The following GRIN3A variants were observed in gnomAD, a reference collection of about 807,000 sequenced individuals.
The protein encoded by GRIN3A is glutamate ionotropic receptor NMDA type subunit 3A.
A neutral mutation model predicts 92.4 loss-of-function variants in GRIN3A; 47 were observed. The observed-to-expected ratio is 0.51, with a 90% CI of 0.40 to 0.65. The LOEUF is 0.65. GRIN3A is among the 30% of genes least tolerant of loss of function. The pLI is 0.00. For missense variants in GRIN3A, 1,324 were observed against 1,393.1 expected (o/e 0.95, Z 0.79); for synonymous variants, 527 against 540.6 (o/e 0.97, Z 0.35).
chr9:101,617,206 A>C (rs28470384), intron 5 of GRIN3A, among the ~76,000 whole-genome samples: 29 of 33,010 alleles, frequency 8.8e-4, no homozygotes, highest in African/African-American at 4.1e-3. Context: ...GACTCCGTCT[A>C]AAAAAAAAAA....
In GRIN3A at chr9:101,670,108, C is replaced by A. The variant is rs754226372; in HGVS notation, c.2304G>T (p.Met768Ile). 6.2e-7 allele frequency: 1 copy of A among 1,613,694 alleles called. No homozygotes were observed. The highest frequency in any genetic ancestry group is 8.5e-7 in the Non-Finnish European group (1 of 1,179,858). Residue 768 changes from methionine to isoleucine, a missense_variant, in exon 3 of 9, where the codon ATG (methionine) becomes ATT (isoleucine). Met to Ile is a conservative substitution (Grantham distance 10). Transcript: ENST00000361820. ...GCTCTTCATAGATCTTCTCACCTAC[C>A]ATGACAGCAGCCAAGTTTGCCGTGT... ...STYTANLAAV[M>I]VGEKIYEELS...
chr9:101,643,287 G>A lies in GRIN3A; in HGVS notation c.2353-14886C>T, dbSNP rs537655977. ...AAGAAGATATACAAATAGCCACAAA[G>A]TATATGAAGAAGTGCTCAAGATCAC... On this transcript the variant is annotated intron_variant, in intron 3 of 8. Transcript: ENST00000361820. 6.6e-5 allele frequency among the ~76,000 whole-genome samples: 10 copies of A among 152,218 alleles called. No individual in the cohort carries two copies. In the East Asian group the frequency reaches 1.9e-3, roughly 29 times the overall value.
At chr9:101,628,176 A>G (rs1828659781) in intron 4 of GRIN3A, 80 bp downstream of exon 4, 1 of 1,429,684 alleles carries the variant, frequency 7.0e-7, no homozygotes, top group South Asian at 1.2e-5. Context: ...ATTTTCAGAA[A>G]CTAACATATA....
At chr9:101,619,620 C>G (rs1235304510) in intron 5 of GRIN3A, among the ~76,000 whole-genome samples, 2 of 152,148 alleles carry the variant, frequency 1.3e-5, no homozygotes, top group Non-Finnish European at 2.9e-5. Context: ...CAGTTAATAA[C>G]AGCAATTTTA....
intron 3 of GRIN3A, among the ~76,000 whole-genome samples, chr9:101,637,178 C>T (rs770241149): frequency 5.3e-5 from 8 of 151,996 alleles, no homozygotes; most frequent in Non-Finnish European, 1.0e-4. Context: ...CTGCAAGCTC[C>T]GCCTCCTGGG....
intron 6 of GRIN3A, among the ~76,000 whole-genome samples, chr9:101,607,872 TTGAGCAA>T (rs1192677135): frequency 6.6e-6 from 1 of 152,200 alleles, no homozygotes; most frequent in African/African-American, 2.4e-5. Flanking sequence ...ACTTAGTGTA[TTGAGCAA>T]TGGGAAATCC....
chr9:101,700,262 A>G (rs1770570476), intron 1 of GRIN3A, among the ~76,000 whole-genome samples: 1 of 152,224 alleles, frequency 6.6e-6, no homozygotes, highest in African/African-American at 2.4e-5. Context: ...GTTTAGATTT[A>G]CAGGAAGAAG....
intron 6 of GRIN3A, among the ~76,000 whole-genome samples, chr9:101,595,847 AG>A (rs145900482): frequency 1.1e-3 from 164 of 152,302 alleles, no homozygotes; most frequent in Non-Finnish European, 1.5e-3. Context: ...CCTTGGGGGA[AG>A]GTCTGCAATG....
intron 3 of GRIN3A, among the ~76,000 whole-genome samples, chr9:101,642,974 A>G: frequency 6.6e-6 from 1 of 152,166 alleles, no homozygotes; most frequent in South Asian, 2.1e-4. Context: ...ATCATAATGT[A>G]GAAATTATTT....
chr9:101,570,970 A>G lies in GRIN3A; in HGVS notation c.*2204T>C, dbSNP rs1827750970. The stretch of plus-strand genomic sequence containing the variant: ...GTAATGTGGATTGAGGTACACCTGT[A>G]CATCAGCCTTCCGGGCTGCACAGAG... On this transcript the variant is annotated 3_prime_UTR_variant, in exon 9 of 9. Transcript: ENST00000361820. The G allele has an allele frequency of 6.6e-6, 1 of 152,544 alleles. No individual in the cohort carries two copies. Among genetic ancestry groups the G allele is most frequent in the South Asian group, 2.1e-4 (1 of 4,828 alleles). The allele number at this position is 152,544 out of a possible 1,614,324, so 9.4% of individuals were successfully genotyped here.
At chr9:101,623,262 G>T in intron 5 of GRIN3A, 56 bp downstream of exon 5, 1 of 1,192,402 alleles carries the variant, frequency 8.4e-7, no homozygotes, top group Non-Finnish European at 1.3e-6. Flanking sequence ...GACTTTCTAG[G>T]TTGGCAAACT....
In GRIN3A at chr9:101,577,881, A is replaced by G. The variant is rs1427274332; in HGVS notation, c.2932-37T>C. On this transcript the variant is annotated intron_variant, in intron 7 of 8. Coordinates refer to ENST00000361820, the MANE Select transcript of GRIN3A (RefSeq NM_133445.3). Reference sequence around the variant, plus strand: ...AACAGATTCACAGGTAGAAATTATGAGAAACACATAGGTCAGGGAACAAAG... The same window carrying G: ...AACAGATTCACAGGTAGAAATTATGGGAAACACATAGGTCAGGGAACAAAG... 4 of 1,434,712 alleles carry G rather than the reference A, an allele frequency of 2.8e-6. No homozygotes were observed. The African/African-American group carries it at 5.6e-5, about 20-fold the overall frequency. The allele number at this position is 1,434,712 out of a possible 1,614,324, so 88.9% of individuals were successfully genotyped here.
Position 101,738,051 on chromosome 9 carries a change from G to T in GRIN3A, c.-72C>A. 7.6e-7 allele frequency: 1 copy of T among 1,313,488 alleles called. No homozygotes were observed. Among genetic ancestry groups the T allele is most frequent in the Non-Finnish European group, 1.1e-6 (1 of 945,996 alleles). The allele number at this position is 1,313,488 out of a possible 1,614,324, so 81.4% of individuals were successfully genotyped here. On this transcript the variant is annotated 5_prime_UTR_variant, in exon 1 of 9. Coordinates refer to ENST00000361820, the MANE Select transcript of GRIN3A (RefSeq NM_133445.3). ...CGCCCCTCTGCAGCCGCTGCCTGAG[G>T]TCTCCGCCTCCAGGTCCCGCGCGCA... is the stretch of plus-strand genomic sequence containing the variant.
At chr9:101,692,744 G>A (rs1489289054) in intron 1 of GRIN3A, among the ~76,000 whole-genome samples, 1 of 152,116 alleles carries the variant, frequency 6.6e-6, no homozygotes, top group Non-Finnish European at 1.5e-5. Context: ...GGCTGCAGGA[G>A]GTTTTCTGTT....
intron 3 of GRIN3A, among the ~76,000 whole-genome samples, chr9:101,659,956 A>T (rs1588271008): frequency 6.6e-6 from 1 of 152,010 alleles, no homozygotes; most frequent in East Asian, 1.9e-4. Flanking sequence ...TATCAATCTG[A>T]ACTAGCAAAG....
chr9:101,671,172 T>C, intron 2 of GRIN3A, 65 bp from the exon 3 acceptor site: 1 of 1,072,172 alleles, frequency 9.3e-7, no homozygotes, highest in South Asian at 1.2e-5. Flanking sequence ...GAAGCAGTGT[T>C]CAGCTTTGCT....
chr9:101,672,764 T>A (rs1829345972), intron 2 of GRIN3A, among the ~76,000 whole-genome samples: 2 of 152,188 alleles, frequency 1.3e-5, no homozygotes, highest in Admixed American at 1.3e-4. Flanking sequence ...GAAGATTGTT[T>A]GTAATGGTAA....
rs996775043 is a variant in GRIN3A, at chr9:101,573,179, A to T, written c.3343T>A (p.Ser1115Thr). The change falls in exon 9 of 9, where the codon TCC (serine) becomes ACC (threonine). Residue 1115 changes from serine to threonine, a missense_variant. Ser to Thr is a moderately conservative substitution (Grantham distance 58). Transcript: ENST00000361820. Reference protein sequence around the residue: ...EYQRTSRTCES With the variant: ...EYQRTSRTCET Reference sequence around the variant, plus strand: ...AAGGGAAGCAGTGTGGTCACCTAGGACTCACAAGTCCGACTTGTCCTTTGA... The same window carrying T: ...AAGGGAAGCAGTGTGGTCACCTAGGTCTCACAAGTCCGACTTGTCCTTTGA... The T allele has an allele frequency of 5.6e-6, 9 of 1,612,746 alleles. No homozygotes were observed. The highest frequency in any genetic ancestry group is 7.6e-6 in the Non-Finnish European group (9 of 1,178,970).
At chr9:101,603,775 G>A (rs1173683105) in intron 6 of GRIN3A, among the ~76,000 whole-genome samples, 2 of 152,216 alleles carry the variant, frequency 1.3e-5, no homozygotes, top group East Asian at 3.8e-4. Flanking sequence ...TGTCAATCCA[G>A]TATGATTGGG....
Sources: allele counts gnomAD v4.1 joint callset (sites outside exome capture counted in the v4.1 genomes callset), GRCh38; gene constraint gnomAD v4.1.1; transcripts MANE v1.5; gene names NCBI Gene and HGNC (gene_info 2026-07-23, HGNC 2026-07-21).